Variants in UIMC1 observed in about 807,000 individuals in gnomAD.
UIMC1 encodes ubiquitin interaction motif containing 1, also known as BRCA1-A complex subunit RAP80.
Under a neutral mutation model 84.9 loss-of-function variants are expected in UIMC1, and 42 were observed. The ratio of observed to expected loss-of-function variants is 0.49; its 90% CI spans 0.39 to 0.64. UIMC1 has a LOEUF of 0.64. Among genes scored for constraint, UIMC1 ranks in the 30% least tolerant of loss-of-function variants. UIMC1 has a pLI of 0.00. For synonymous variants in UIMC1, 281 were observed against 293.0 expected (o/e 0.96, Z 0.42); for missense variants, 825 against 847.6 (o/e 0.97, Z 0.33).
At position 176,913,096 on chromosome 5, in the gene UIMC1, A is replaced by G. The variant is rs1203307207; in HGVS notation, c.1598-1707T>C. ...ACATTTACCCACCTTTCCACAAGTC[A>G]CCTCTTTGAACACTTAACAAGCTGC... On this transcript the variant is annotated intron_variant, in intron 10 of 14. Transcript: ENST00000511320. 4.6e-5 allele frequency among the ~76,000 whole-genome samples: 7 copies of G among 152,120 alleles called. No homozygotes were observed. The East Asian group carries it at 1.3e-3, about 29-fold the overall frequency.
intron 9 of UIMC1, among the ~76,000 whole-genome samples, chr5:176,944,868 A>G (rs2149445176): frequency 6.6e-6 from 1 of 152,338 alleles, no homozygotes; most frequent in Middle Eastern, 3.4e-3. Flanking sequence ...AGGAACTAAC[A>G]GTGGTTGAGT....
chr5:177,005,452 G>A (rs746538705), intron 1 of UIMC1, among the ~76,000 whole-genome samples: 1 of 151,818 alleles, frequency 6.6e-6, no homozygotes, highest in Non-Finnish European at 1.5e-5. Flanking sequence ...ACCTACACAC[G>A]CATACATCCC....
chr5:177,016,190 C>CG (rs1775665870), intron 1 of UIMC1, among the ~76,000 whole-genome samples: 1 of 151,724 alleles, frequency 6.6e-6, no homozygotes, highest in African/African-American at 2.4e-5. Flanking sequence ...CATGGTGAAA[C>CG]CCCGTCTCTA....
intron 1 of UIMC1, among the ~76,000 whole-genome samples, chr5:177,004,269 A>G (rs1407080365): frequency 6.6e-6 from 1 of 152,208 alleles, no homozygotes. Flanking sequence ...TGATGGATCA[A>G]TAAGAAGCAT....
intron 7 of UIMC1, among the ~76,000 whole-genome samples, chr5:176,956,718 AC>A (rs1766646234): frequency 6.6e-6 from 1 of 151,780 alleles, no homozygotes; most frequent in South Asian, 2.1e-4. Flanking sequence ...CTCATGCTTC[AC>A]AGGGCTTTAC....
chr5:176,970,051 A>C (rs1768959721), intron 4 of UIMC1: 1 of 200,028 alleles, frequency 5.0e-6, no homozygotes, highest in Non-Finnish European at 1.0e-5. Flanking sequence ...CAGGCAGATC[A>C]CCTGAGGTCA....
chr5:177,020,283 G>C (rs985706652), intron 1 of UIMC1, among the ~76,000 whole-genome samples: 1 of 152,076 alleles, frequency 6.6e-6, no homozygotes, highest in Non-Finnish European at 1.5e-5. Context: ...CCAGCTCTTT[G>C]CATGGCTACG....
intron 1 of UIMC1, among the ~76,000 whole-genome samples, chr5:177,020,590 C>T (rs1050815223): frequency 8.5e-5 from 13 of 152,266 alleles, no homozygotes; most frequent in African/African-American, 3.1e-4. Flanking sequence ...GCCACCACGC[C>T]CGGCTAATTT....
chr5:176,907,379 A>C lies in UIMC1; in HGVS notation c.1849-202T>G. On this transcript the variant is annotated intron_variant, in intron 12 of 14. Transcript: ENST00000511320. ...GAAGAGAATACATCGCTATGCCCAGAGTATCATGGATTTAAAATAGAAAAT... is the reference window on the plus strand; with the variant it reads ...GAAGAGAATACATCGCTATGCCCAGCGTATCATGGATTTAAAATAGAAAAT... 1.5e-5 allele frequency: 8 copies of C among 516,736 alleles called. No individual in the cohort carries two copies. In the South Asian group the frequency reaches 2.1e-4, roughly 14 times the overall value. 32.0% of individuals were successfully genotyped at this position (516,736 alleles called of 1,614,324 possible).
intron 10 of UIMC1, among the ~76,000 whole-genome samples, chr5:176,920,027 GTT>G (rs1310933104): frequency 6.6e-6 from 1 of 151,970 alleles, no homozygotes; most frequent in Non-Finnish European, 1.5e-5. Context: ...GGGTTTTCTT[GTT>G]TGTTTTTTTG....
At chr5:176,906,267 T>C (rs1759358648) in intron 13 of UIMC1, 1 of 511,646 alleles carries the variant, frequency 2.0e-6, no homozygotes, top group African/African-American at 2.0e-5. Flanking sequence ...GAACAACCTC[T>C]GAATAAATCT....
chr5:176,978,381 T>C (rs909135873), intron 2 of UIMC1, among the ~76,000 whole-genome samples: 1 of 151,870 alleles, frequency 6.6e-6, no homozygotes, highest in Non-Finnish European at 1.5e-5. Context: ...TCAAAAAAAA[T>C]AAAATAAAAT....
intron 2 of UIMC1, among the ~76,000 whole-genome samples, chr5:176,976,415 C>A (rs1446927433): frequency 6.6e-6 from 1 of 152,072 alleles, no homozygotes; most frequent in African/African-American, 2.4e-5. Flanking sequence ...TGAAAAGATG[C>A]CCAGTATCAT....
Position 176,955,991 on chromosome 5 carries a change from T to TAAGGC in UIMC1, c.1306_1307insGCCTT (p.Glu436GlyfsTer17). On this transcript the variant is annotated frameshift_variant, in exon 8 of 15. Transcript: ENST00000511320. LOFTEE classifies it high-confidence loss of function. ...AACAGTGATTTCTTCTGCAGAACTC[T>TAAGGC]CTGGCATAAGGACTAAGCTTCTCTT... 9.3e-6 allele frequency: 15 copies of TAAGGC among 1,613,744 alleles called. No individual in the cohort carries two copies. Among genetic ancestry groups the TAAGGC allele is most frequent in the Non-Finnish European group, 1.1e-5 (13 of 1,179,772 alleles).
chr5:177,006,046 T>C (rs1045918254), intron 1 of UIMC1, among the ~76,000 whole-genome samples: 1 of 151,988 alleles, frequency 6.6e-6, no homozygotes, highest in Non-Finnish European at 1.5e-5. Context: ...AAAACGAGGA[T>C]CACACAACAA....
chr5:176,974,194 T>C (rs1012415849), intron 3 of UIMC1, among the ~76,000 whole-genome samples: 1 of 152,178 alleles, frequency 6.6e-6, no homozygotes, highest in African/African-American at 2.4e-5. Context: ...TAAAGCTACA[T>C]TAATCAAGAC....
chr5:176,968,746 C>T lies in UIMC1; in HGVS notation c.1009G>A (p.Gly337Ser). Residue 337 changes from glycine to serine, a missense_variant, in exon 6 of 15, where the codon GGC becomes AGC. Coordinates refer to ENST00000511320, the MANE Select transcript of UIMC1 (RefSeq NM_001199298.2). ...RPPSLIQNEC[G>S]QGEQASEKNE... Reference sequence around the variant, plus strand: ...TTCTCACTAGCCTGCTCTCCTTGGCCACATTCATTCTGGATCAGAGAAGGA... The same window carrying T: ...TTCTCACTAGCCTGCTCTCCTTGGCTACATTCATTCTGGATCAGAGAAGGA... 6.2e-7 allele frequency: 1 copy of T among 1,614,144 alleles called. No homozygotes were observed. Among genetic ancestry groups the T allele is most frequent in the Non-Finnish European group, 8.5e-7 (1 of 1,180,028 alleles).
At chr5:176,953,530 A>ACACACACACACACACACACACACC (rs1486168664) in intron 8 of UIMC1, among the ~76,000 whole-genome samples, 5 of 151,088 alleles carry the variant, frequency 3.3e-5, no homozygotes, top group African/African-American at 1.2e-4. Context: ...ACACACACAC[A>ACACACACACACACACACACACACC]CCTTATTGGA....
At chr5:176,998,420 C>T (rs116223621) in intron 1 of UIMC1, among the ~76,000 whole-genome samples, 4,702 of 143,238 alleles carry the variant, frequency 0.033, 277 homozygotes, top group African/African-American at 0.11. Flanking sequence ...GCTGAGATTG[C>T]GCCACCACTG....
Sources: allele counts gnomAD v4.1 joint callset (sites outside exome capture counted in the v4.1 genomes callset), GRCh38; gene constraint gnomAD v4.1.1; transcripts MANE v1.5; gene names NCBI Gene and HGNC (gene_info 2026-07-23, HGNC 2026-07-21).